SUFU: variants seen among roughly 807,000 people sequenced by gnomAD.
SUFU encodes the protein SUFU negative regulator of hedgehog signaling.
A neutral mutation model predicts 58.9 loss-of-function variants in SUFU; 7 were observed. That is an observed-to-expected ratio of 0.12 (90% CI 0.07 to 0.22). The LOEUF (loss-of-function observed/expected upper bound fraction) is 0.22. SUFU is among the 10% of genes least tolerant of loss of function. The pLI is 1.00. For missense variants in SUFU, 451 were observed against 641.3 expected, an observed-to-expected ratio of 0.70 and a Z score of 3.20; for synonymous variants, 232 against 254.8, an observed-to-expected ratio of 0.91 and a Z score of 0.85.
At chr10:102,610,210 T>C (rs2063607626) in intron 8 of SUFU, among the ~76,000 whole-genome samples, 1 of 151,560 alleles carries the variant, frequency 6.6e-6, no homozygotes, top group African/African-American at 2.4e-5. Flanking sequence ...CTGGCCAATA[T>C]GGTGAAACCC....
chr10:102,564,820 T>G (rs1163666246), intron 3 of SUFU, among the ~76,000 whole-genome samples: 1 of 152,226 alleles, frequency 6.6e-6, no homozygotes, highest in Non-Finnish European at 1.5e-5. Context: ...GTGAAATATT[T>G]TCACTTTTAT....
intron 3 of SUFU, among the ~76,000 whole-genome samples, chr10:102,567,752 G>T (rs189538542): frequency 6.6e-6 from 1 of 152,104 alleles, no homozygotes; most frequent in African/African-American, 2.4e-5. Context: ...AAACAGCAGT[G>T]GGGGTCCTTC....
chr10:102,559,372 C>T (rs1200151761), intron 3 of SUFU, among the ~76,000 whole-genome samples: 1 of 46,182 alleles, frequency 2.2e-5, no homozygotes, highest in East Asian at 1.8e-3. Flanking sequence ...CAAAACACTC[C>T]CCACCTAAGA....
chr10:102,553,324 A>G (rs1188583682), intron 3 of SUFU, among the ~76,000 whole-genome samples: 1 of 152,168 alleles, frequency 6.6e-6, no homozygotes, highest in Non-Finnish European at 1.5e-5. Context: ...GGAATGACTA[A>G]CATTTAGACT....
At position 102,617,227 on chromosome 10, in the gene SUFU, C is replaced by G; in HGVS notation, c.1158-63C>G. The G allele has an allele frequency of 1.5e-5, 24 of 1,611,836 alleles. No individual in the cohort carries two copies. Among genetic ancestry groups the G allele is most frequent in the Non-Finnish European group, 2.0e-5 (24 of 1,178,494 alleles). On this transcript the variant is annotated intron_variant, in intron 9 of 11. Transcript: ENST00000369902. The surrounding 1 kb of genome is among the most constrained non-coding windows in gnomAD (Gnocchi z 4.4). ...CCACTGTCCCAGAGCCTTGGCCAGG[C>G]CTGCTGTGCTTGGAACTGTTTCCAA... is the stretch of plus-strand genomic sequence containing the variant.
intron 6 of SUFU, 90 bp from the exon 7 acceptor site, chr10:102,597,050 A>T: frequency 6.7e-7 from 1 of 1,486,792 alleles, no homozygotes; most frequent in Admixed American, 1.7e-5. Context: ...AGGGCTCAGT[A>T]AATACTGTAA....
chr10:102,506,472 G>A (rs1031662364), intron 1 of SUFU, among the ~76,000 whole-genome samples: 6 of 152,136 alleles, frequency 3.9e-5, no homozygotes, highest in South Asian at 4.1e-4. Flanking sequence ...TCTGTCTCCC[G>A]GTTTCAAGCG....
At chr10:102,533,571 C>T (rs2062701810) in intron 2 of SUFU, among the ~76,000 whole-genome samples, 1 of 152,118 alleles carries the variant, frequency 6.6e-6, no homozygotes, top group South Asian at 2.1e-4. Flanking sequence ...AAGACCCTGT[C>T]TTGAAAAAAA....
At chr10:102,570,142 G>T (rs1446896527) in intron 3 of SUFU, among the ~76,000 whole-genome samples, 2 of 152,158 alleles carry the variant, frequency 1.3e-5, no homozygotes, top group Non-Finnish European at 2.9e-5. Flanking sequence ...AGTCGTCTGG[G>T]CAGTTGCTGG....
intron 2 of SUFU, among the ~76,000 whole-genome samples, chr10:102,526,504 G>A (rs1190000285): frequency 6.6e-6 from 1 of 151,804 alleles, no homozygotes; most frequent in Non-Finnish European, 1.5e-5. Flanking sequence ...AGTGAGCCAA[G>A]ATCGTGCCAC....
chr10:102,517,837 C>G (rs2062491690), intron 2 of SUFU, among the ~76,000 whole-genome samples: 1 of 152,176 alleles, frequency 6.6e-6, no homozygotes, highest in Non-Finnish European at 1.5e-5. Context: ...CCAGGCTGTG[C>G]AGCACACTCA....
rs1414570182 is a variant in SUFU, at chr10:102,617,046, G to T, written c.1158-244G>T. 6.6e-6 allele frequency among the ~76,000 whole-genome samples: 1 copy of T among 152,236 alleles called. No individual in the cohort carries two copies. Among genetic ancestry groups the T allele is most frequent in the Non-Finnish European group, 1.5e-5 (1 of 68,046 alleles). On this transcript the variant is annotated intron_variant, in intron 9 of 11. Coordinates refer to ENST00000369902, the MANE Select transcript of SUFU (RefSeq NM_016169.4). This position sits in a 1 kb window ranked among gnomAD's most constrained non-coding sequence, Gnocchi z 4.4. ...AGGGCTTTTGAACTCAGTGTTTTCT[G>T]CTAGCTTTGAGCACTTTGGAAGGAT... is the stretch of plus-strand genomic sequence containing the variant.
intron 7 of SUFU, among the ~76,000 whole-genome samples, chr10:102,598,107 C>T (rs1017906269): frequency 3.9e-5 from 6 of 151,996 alleles, no homozygotes; most frequent in African/African-American, 1.2e-4. Context: ...GGTTTTTGTT[C>T]GTTCTGTAAA....
At chr10:102,525,042 C>G (rs1321712444) in intron 2 of SUFU, among the ~76,000 whole-genome samples, 1 of 152,220 alleles carries the variant, frequency 6.6e-6, no homozygotes, top group Non-Finnish European at 1.5e-5. Context: ...GGAGTCAGAA[C>G]CCTTCTGTGG....
At chr10:102,514,106 C>T (rs4919650) in intron 2 of SUFU, among the ~76,000 whole-genome samples, 17,623 of 151,870 alleles carry the variant, frequency 0.12, 1,487 homozygotes, top group East Asian at 0.42. Flanking sequence ...AGGCTGGTCT[C>T]GAACTACTGG....
chr10:102,533,988 A>G lies in SUFU; in HGVS notation c.318-15982A>G, dbSNP rs888253821. 7.2e-5 allele frequency among the ~76,000 whole-genome samples: 11 copies of G among 152,214 alleles called. No homozygotes were observed. The East Asian group carries it at 2.1e-3, about 29-fold the overall frequency. On this transcript the variant is annotated intron_variant, in intron 2 of 11. Coordinates refer to ENST00000369902, the MANE Select transcript of SUFU (RefSeq NM_016169.4). ...TAAGATACTGAGTTTGGATTTGTGT[A>G]GACTGAACTAGAAGTATCTAGGTCT...
intron 2 of SUFU, among the ~76,000 whole-genome samples, chr10:102,513,732 A>G (rs1175909079): frequency 2.6e-5 from 4 of 152,204 alleles, no homozygotes; most frequent in Admixed American, 6.5e-5. Flanking sequence ...CGCGGTACCA[A>G]CAACGCTTTT....
chr10:102,563,267 T>C (rs2063056968), intron 3 of SUFU, among the ~76,000 whole-genome samples: 1 of 152,198 alleles, frequency 6.6e-6, no homozygotes, highest in African/African-American at 2.4e-5. Flanking sequence ...AACTTTCCAC[T>C]GCCGTTAGCT....
intron 3 of SUFU, among the ~76,000 whole-genome samples, chr10:102,565,599 C>T (rs910052736): frequency 6.6e-6 from 1 of 152,224 alleles, no homozygotes; most frequent in Non-Finnish European, 1.5e-5. Context: ...GGCTGGAGTG[C>T]AGTGGCGCGA....
Sources: gnomAD v4.1 joint callset for allele counts (sites outside exome capture counted in the v4.1 genomes callset) on GRCh38, gnomAD v4.1.1 for gene constraint, Gnocchi (gnomAD v3.1) non-coding constraint, MANE v1.5 for transcripts, NCBI Gene and HGNC (gene_info 2026-07-23, HGNC 2026-07-21) for gene names.